Variants in NCALD observed in about 807,000 individuals in gnomAD.
NCALD encodes neurocalcin-delta.
NCALD carries 10 observed loss-of-function variants against 18.6 expected under a neutral mutation model. The ratio of observed to expected loss-of-function variants is 0.54; its 90% confidence interval spans 0.33 to 0.91. NCALD has a LOEUF of 0.91. NCALD is among the 40% of genes least tolerant of loss of function. The probability of loss-of-function intolerance (pLI) is 0.03; values close to 1 mark genes in which losing one functional copy is unlikely to be tolerated. For missense variants in NCALD, 184 were observed against 247.6 expected (o/e 0.74, Z 1.72); for synonymous variants, 88 against 87.4 (o/e 1.01, Z -0.04).
At chr8:101,966,182 G>GA (rs1429184105) in intron 2 of NCALD, among the ~76,000 whole-genome samples, 2 of 145,446 alleles carry the variant, frequency 1.4e-5, no homozygotes, top group African/African-American at 5.2e-5. Context: ...GGCAATCAAA[G>GA]CAAAAAAAAA....
chr8:101,944,916 T>A (rs1322556111), intron 2 of NCALD, among the ~76,000 whole-genome samples: 1 of 152,214 alleles, frequency 6.6e-6, no homozygotes, highest in East Asian at 1.9e-4. Context: ...AATCCCTTCA[T>A]TAAATTATCT....
intron 1 of NCALD, among the ~76,000 whole-genome samples, chr8:102,083,976 G>C (rs979183588): frequency 6.6e-6 from 1 of 152,202 alleles, no homozygotes; most frequent in African/African-American, 2.4e-5. Flanking sequence ...AATGTAAAAT[G>C]ACAAAAGTAT....
chr8:101,703,910 G>C (rs557837308), intron 2 of NCALD, among the ~76,000 whole-genome samples: 1 of 152,256 alleles, frequency 6.6e-6, no homozygotes, highest in South Asian at 2.1e-4. Flanking sequence ...AAACTACCCA[G>C]GACTGGGAAA....
chr8:101,865,684 A>G (rs533376515), intron 4 of NCALD, among the ~76,000 whole-genome samples: 1 of 152,078 alleles, frequency 6.6e-6, no homozygotes, highest in East Asian at 1.9e-4. Flanking sequence ...GTGTGAATTC[A>G]CAGGTCATGC....
At chr8:102,006,820 C>A (rs1245824728) in intron 2 of NCALD, among the ~76,000 whole-genome samples, 1 of 152,220 alleles carries the variant, frequency 6.6e-6, no homozygotes, top group East Asian at 1.9e-4. Flanking sequence ...TTATTTCTGT[C>A]TACACTTCTG....
chr8:102,005,936 G>A (rs1349018378), intron 2 of NCALD, among the ~76,000 whole-genome samples: 2 of 151,268 alleles, frequency 1.3e-5, no homozygotes, highest in Non-Finnish European at 2.9e-5. Flanking sequence ...TGTAAATGAC[G>A]AGTTAATGGG....
chr8:101,688,266 C>A lies in NCALD; in HGVS notation c.*1043G>T, dbSNP rs1231022781. The A allele has an allele frequency of 1.0e-5, 2 of 191,328 alleles. No individual in the cohort carries two copies. Among genetic ancestry groups the A allele is most frequent in the Non-Finnish European group, 2.2e-5 (2 of 91,184 alleles). 11.9% of individuals were successfully genotyped at this position (191,328 alleles called of 1,614,324 possible). On this transcript the variant is annotated 3_prime_UTR_variant, in exon 4 of 4. Transcript: ENST00000220931. ...CTCCAATTGTCCTGTCCCACTACCA[C>A]CTGCTCTGCATCTGCCCTCTAGGCA...
At chr8:101,921,259 A>T (rs1818154665) in intron 2 of NCALD, among the ~76,000 whole-genome samples, 1 of 110,868 alleles carries the variant, frequency 9.0e-6, no homozygotes, top group South Asian at 2.7e-4. Context: ...GAAATGTGTA[A>T]AAAAAAAAAA....
intron 2 of NCALD, among the ~76,000 whole-genome samples, chr8:102,019,444 G>A (rs985760167): frequency 1.3e-5 from 2 of 152,044 alleles, no homozygotes; most frequent in South Asian, 4.1e-4. Flanking sequence ...ACAGAAATAC[G>A]TATATGTAAC....
intron 3 of NCALD, chr8:101,690,497 A>G (rs998285085): frequency 1.0e-6 from 1 of 985,412 alleles, no homozygotes; most frequent in Non-Finnish European, 1.2e-6. Context: ...ACGCTAAGCC[A>G]TAGCCTCCAG....
intron 1 of NCALD, chr8:102,070,087 G>A (rs62523039): frequency 0.16 from 24,689 of 151,480 alleles, 2,276 homozygotes; most frequent in African/African-American, 0.25. Flanking sequence ...GCACTCCAGC[G>A]TGGGTGAGAG....
chr8:102,043,055 C>T (rs561565623), intron 1 of NCALD, among the ~76,000 whole-genome samples: 2 of 152,014 alleles, frequency 1.3e-5, no homozygotes, highest in South Asian at 4.1e-4. Flanking sequence ...ACCAGAACAG[C>T]TGAGATTTAT....
At chr8:101,883,774 A>C (rs933509650) in intron 4 of NCALD, among the ~76,000 whole-genome samples, 1 of 152,166 alleles carries the variant, frequency 6.6e-6, no homozygotes, top group African/African-American at 2.4e-5. Flanking sequence ...ATAAGCAAAA[A>C]CTTAGTATAA....
At chr8:102,005,082 A>C (rs1821646776) in intron 2 of NCALD, among the ~76,000 whole-genome samples, 1 of 152,242 alleles carries the variant, frequency 6.6e-6, no homozygotes, top group South Asian at 2.1e-4. Context: ...TTACCATCAG[A>C]GTGAACAGGC....
At chr8:102,090,279 A>G (rs1042505088) in intron 1 of NCALD, among the ~76,000 whole-genome samples, 1 of 152,228 alleles carries the variant, frequency 6.6e-6, no homozygotes. Context: ...ATACCACAGA[A>G]GTAACCAAAT....
intron 1 of NCALD, among the ~76,000 whole-genome samples, chr8:102,025,791 T>G (rs558521659): frequency 4.6e-5 from 7 of 152,268 alleles, no homozygotes; most frequent in Middle Eastern, 6.8e-3. Context: ...GTATACATTT[T>G]GGAGGGTGCC....
chr8:101,896,194 C>G (rs1817162722), intron 3 of NCALD, among the ~76,000 whole-genome samples: 1 of 151,980 alleles, frequency 6.6e-6, no homozygotes, highest in South Asian at 2.1e-4. Flanking sequence ...AGAACAGAGG[C>G]CTCAGAAGTA....
chr8:102,067,517 TC>T (rs1259903447), intron 1 of NCALD, among the ~76,000 whole-genome samples: 1 of 152,172 alleles, frequency 6.6e-6, no homozygotes, highest in Non-Finnish European at 1.5e-5. Flanking sequence ...GCAAGGACTT[TC>T]CAGGAAGAGA....
chr8:101,828,971 G>C (rs1814060052), intron 4 of NCALD, among the ~76,000 whole-genome samples: 1 of 151,914 alleles, frequency 6.6e-6, no homozygotes. Context: ...GTGGGGTGGT[G>C]GGTGGGTAGG....
Sources: allele counts gnomAD v4.1 joint callset (sites outside exome capture counted in the v4.1 genomes callset), GRCh38; gene constraint gnomAD v4.1.1; transcripts MANE v1.5; gene names NCBI Gene and HGNC (gene_info 2026-07-23, HGNC 2026-07-21).